Variants in ZC3H12B observed in about 807,000 individuals in gnomAD.
ZC3H12B encodes probable ribonuclease ZC3H12B.
A neutral mutation model predicts 43.9 loss-of-function variants in ZC3H12B; 7 were observed. The ratio of observed to expected loss-of-function variants is 0.16; its 90% confidence interval spans 0.09 to 0.30. ZC3H12B has a LOEUF of 0.30. Among genes scored for constraint, ZC3H12B ranks in the 10% least tolerant of loss-of-function variants. The pLI is 1.00. For missense variants in ZC3H12B, 475 were observed against 670.2 expected (o/e 0.71, Z 3.22); for synonymous variants, 222 against 241.7 (o/e 0.92, Z 0.76).
chrX:65,213,088 G>C, the ZC3H12B span, among the ~76,000 whole-genome samples: 4 of 106,971 alleles, frequency 3.7e-5, no homozygotes, highest in Admixed American at 1.0e-4. Flanking sequence ...GATATATACT[G>C]TATTCTTATG....
chrX:65,076,975 G>A, the ZC3H12B span, among the ~76,000 whole-genome samples: 2 of 111,141 alleles, frequency 1.8e-5, no homozygotes, highest in African/African-American at 6.5e-5. Context: ...TTTGCATAAG[G>A]AATGATTTTC....
At chrX:65,460,387 G>A (rs2067720716) in intron 3 of ZC3H12B, among the ~76,000 whole-genome samples, 1 of 111,840 alleles carries the variant, frequency 8.9e-6, no homozygotes, top group Non-Finnish European at 1.9e-5. Flanking sequence ...CCAAAAAACA[G>A]CCTGCATTGC....
the ZC3H12B span, among the ~76,000 whole-genome samples, chrX:65,113,985 G>GTACATATATATATATATA: frequency 2.1e-5 from 1 of 47,475 alleles, no homozygotes; most frequent in Non-Finnish European, 4.3e-5. Context: ...AGATATGCTT[G>GTACATATATATATATATA]TATATATATA....
At chrX:65,375,703 C>T (rs1014287034) in intron 2 of ZC3H12B, among the ~76,000 whole-genome samples, 7 of 111,141 alleles carry the variant, frequency 6.3e-5, no homozygotes, top group African/African-American at 2.3e-4. Context: ...CAGAAGGGAA[C>T]CCACCACCTT....
At chrX:65,433,269 G>A (rs2067184414) in intron 3 of ZC3H12B, among the ~76,000 whole-genome samples, 1 of 112,102 alleles carries the variant, frequency 8.9e-6, no homozygotes, top group Non-Finnish European at 1.9e-5. Flanking sequence ...ATAGTGATGC[G>A]ATGAGAGTCA....
intron 2 of ZC3H12B, among the ~76,000 whole-genome samples, chrX:65,394,661 C>A (rs966025283): frequency 2.7e-5 from 3 of 111,644 alleles, no homozygotes; most frequent in Non-Finnish European, 5.6e-5. Context: ...GTTCTTTTTA[C>A]TTAGGATTGT....
chrX:65,374,677 G>A (rs1350002312), intron 2 of ZC3H12B, among the ~76,000 whole-genome samples: 1 of 110,792 alleles, frequency 9.0e-6, no homozygotes, highest in Admixed American at 9.7e-5. Context: ...ATAAAGAACT[G>A]CCCGATACTG....
At chrX:65,227,348 C>G in the ZC3H12B span, among the ~76,000 whole-genome samples, 1 of 111,599 alleles carries the variant, frequency 9.0e-6, no homozygotes, top group African/African-American at 3.3e-5. Flanking sequence ...AACAAAGACA[C>G]AACATACCAG....
At chrX:65,375,414 G>C (rs993262643) in intron 2 of ZC3H12B, among the ~76,000 whole-genome samples, 4 of 112,219 alleles carry the variant, frequency 3.6e-5, no homozygotes, top group African/African-American at 9.7e-5. Context: ...GCTAAGCAAA[G>C]AGCCAGTACA....
At chrX:65,157,764 T>C in the ZC3H12B span, among the ~76,000 whole-genome samples, 1 of 88,971 alleles carries the variant, frequency 1.1e-5, no homozygotes, top group Non-Finnish European at 1.9e-5. Flanking sequence ...CTTTCCCTTT[T>C]CTTTTTTTTA....
intron 2 of ZC3H12B, among the ~76,000 whole-genome samples, chrX:65,384,449 A>G (rs921527157): frequency 3.6e-5 from 4 of 111,285 alleles, no homozygotes; most frequent in African/African-American, 1.3e-4. Flanking sequence ...CCAGCATGGC[A>G]CATGTATACA....
At chrX:65,279,086 T>C in the ZC3H12B span, among the ~76,000 whole-genome samples, 2 of 110,954 alleles carry the variant, frequency 1.8e-5, no homozygotes, top group African/African-American at 6.6e-5. Context: ...GGTATTGTGA[T>C]TAATGAACAT....
In ZC3H12B at chrX:65,460,081, C is replaced by T. The variant is rs1353558831; in HGVS notation, n.408-28565C>T. 8.1e-5 allele frequency among the ~76,000 whole-genome samples: 9 copies of T among 111,449 alleles called. 1 individual carries two copies. The highest frequency in any genetic ancestry group is 2.0e-4 in the African/African-American group (6 of 30,600). On this transcript the variant is annotated intron_variant and non_coding_transcript_variant, in intron 3 of 5. Coordinates refer to the ZC3H12B transcript ENST00000617377. Reference sequence around the variant, plus strand: ...CACTAATAACAGACAAACAGAGAGCCAAATCATGAGTGAACTCCCATTCAT... The same window carrying T: ...CACTAATAACAGACAAACAGAGAGCTAAATCATGAGTGAACTCCCATTCAT...
the ZC3H12B span, among the ~76,000 whole-genome samples, chrX:65,112,089 C>T: frequency 5.3e-5 from 6 of 112,251 alleles, no homozygotes; most frequent in East Asian, 1.7e-3. Flanking sequence ...CCAGTAAACA[C>T]ATAAATGACA....
chrX:65,322,262 C>T, the ZC3H12B span, among the ~76,000 whole-genome samples: 51 of 111,733 alleles, frequency 4.6e-4, no homozygotes, highest in African/African-American at 1.6e-3. Flanking sequence ...CACCATCCCC[C>T]ACCTTTCAAG....
chrX:65,281,882 G>A, the ZC3H12B span, among the ~76,000 whole-genome samples: 1 of 111,877 alleles, frequency 8.9e-6, no homozygotes, highest in African/African-American at 3.2e-5. Flanking sequence ...AGAGTGGAAA[G>A]ACAACCTACA....
chrX:65,353,437 G>T, the ZC3H12B span, among the ~76,000 whole-genome samples: 2 of 111,749 alleles, frequency 1.8e-5, no homozygotes, highest in Admixed American at 9.5e-5. Flanking sequence ...TCTAACCTTA[G>T]AACAAACACT....
chrX:65,117,625 A>C, the ZC3H12B span, among the ~76,000 whole-genome samples: 1 of 111,818 alleles, frequency 8.9e-6, no homozygotes, highest in Non-Finnish European at 1.9e-5. Flanking sequence ...TTTAGTCATG[A>C]AGTCCTTCCC....
chrX:65,350,583 G>A, the ZC3H12B span, among the ~76,000 whole-genome samples: 17 of 111,840 alleles, frequency 1.5e-4, no homozygotes, highest in African/African-American at 3.9e-4. Flanking sequence ...AAACTGCATC[G>A]TCTCAGCCCC....
Sources: allele counts gnomAD v4.1 joint callset (sites outside exome capture counted in the v4.1 genomes callset), GRCh38; gene constraint gnomAD v4.1.1; transcripts MANE v1.5; gene names NCBI Gene and HGNC (gene_info 2026-07-23, HGNC 2026-07-21).